GRIP1: variants seen among roughly 807,000 people sequenced by gnomAD.
GRIP1 encodes the protein glutamate receptor interacting protein 1, also known as glutamate receptor-interacting protein 1.
GRIP1 carries 45 observed loss-of-function variants against 129.9 expected under a neutral mutation model. That is an observed-to-expected ratio of 0.35 (90% CI 0.27 to 0.44). The LOEUF is 0.44. Ranked by LOEUF, GRIP1 falls within the 20% of genes least tolerant of loss-of-function variation. GRIP1 has a pLI of 1.00. For missense variants in GRIP1, 1,196 were observed against 1,396.8 expected, an observed-to-expected ratio of 0.86 and a Z score of 2.29; for synonymous variants, 530 against 520.8, an observed-to-expected ratio of 1.02 and a Z score of -0.24.
intron 1 of GRIP1, among the ~76,000 whole-genome samples, chr12:66,919,798 CAAAT>C (rs1018207801): frequency 2.6e-5 from 4 of 152,008 alleles, no homozygotes; most frequent in South Asian, 2.1e-4. Flanking sequence ...AGCAGACACT[CAAAT>C]AAAGAGCTGG....
At chr12:66,868,264 A>G (rs1335935634) in intron 1 of GRIP1, among the ~76,000 whole-genome samples, 1 of 152,130 alleles carries the variant, frequency 6.6e-6, no homozygotes, top group African/African-American at 2.4e-5. Context: ...TGTACTGGCA[A>G]ACAGTGAAGC....
intron 1 of GRIP1, among the ~76,000 whole-genome samples, chr12:66,849,072 T>G (rs964919552): frequency 6.6e-6 from 1 of 152,282 alleles, no homozygotes; most frequent in South Asian, 2.1e-4. Context: ...GTTCTGTCAC[T>G]TTTCTGCATC....
chr12:66,806,510 A>G (rs1249801656), upstream of GRIP1, among the ~76,000 whole-genome samples: 1 of 152,208 alleles, frequency 6.6e-6, no homozygotes, highest in Non-Finnish European at 1.5e-5. Context: ...TTAAATTAGT[A>G]GAGTCCATAT....
intron 1 of GRIP1, among the ~76,000 whole-genome samples, chr12:66,728,695 T>C (rs2036333587): frequency 6.6e-6 from 1 of 152,180 alleles, no homozygotes; most frequent in Non-Finnish European, 1.5e-5. Flanking sequence ...ATTCTTACTA[T>C]GTTGAGAGTG....
intron 22 of GRIP1, 35 bp from the exon 23 acceptor site, chr12:66,371,962 C>G: frequency 7.4e-7 from 1 of 1,348,816 alleles, no homozygotes; most frequent in Non-Finnish European, 1.1e-6. Context: ...ACAATTAAGC[C>G]ATGGACTAAG....
At chr12:66,469,557 C>T (rs1389992412) in intron 7 of GRIP1, among the ~76,000 whole-genome samples, 2 of 152,132 alleles carry the variant, frequency 1.3e-5, no homozygotes, top group Non-Finnish European at 2.9e-5. Context: ...TAATATGAAG[C>T]TTCCACATTA....
At chr12:66,789,917 A>C (rs2038475697) in intron 1 of GRIP1, among the ~76,000 whole-genome samples, 1 of 152,158 alleles carries the variant, frequency 6.6e-6, no homozygotes, top group Admixed American at 6.6e-5. Context: ...AAAAGGAGAA[A>C]AAATTTTATT....
At chr12:66,593,145 A>G (rs1030670604) in intron 2 of GRIP1, among the ~76,000 whole-genome samples, 2 of 152,224 alleles carry the variant, frequency 1.3e-5, no homozygotes, top group African/African-American at 4.8e-5. Context: ...ATTTAATGCC[A>G]TATGAGACAT....
At chr12:66,541,174 T>C (rs1873930) in intron 3 of GRIP1, among the ~76,000 whole-genome samples, 41,462 of 151,988 alleles carry the variant, frequency 0.27, 5,845 homozygotes, top group Middle Eastern at 0.33. Flanking sequence ...ATTTAGAATG[T>C]ATCTCAAGGA....
chr12:66,889,829 G>C (rs2040627190), intron 1 of GRIP1, among the ~76,000 whole-genome samples: 1 of 152,136 alleles, frequency 6.6e-6, no homozygotes. Context: ...GCCACTGATC[G>C]AGTGCCTAAT....
chr12:66,661,210 C>T (rs896726058), intron 1 of GRIP1, among the ~76,000 whole-genome samples: 1 of 151,912 alleles, frequency 6.6e-6, no homozygotes, highest in African/African-American at 2.4e-5. Flanking sequence ...CAACTTCCAT[C>T]GCCAATTTGA....
chr12:66,670,739 C>T (rs1451991880), intron 1 of GRIP1, among the ~76,000 whole-genome samples: 6 of 152,180 alleles, frequency 3.9e-5, no homozygotes, highest in African/African-American at 1.4e-4. Flanking sequence ...TAAGGGAGAG[C>T]TCAGAGCTCC....
intron 19 of GRIP1, among the ~76,000 whole-genome samples, chr12:66,379,640 G>A (rs1349537105): frequency 6.6e-6 from 1 of 152,186 alleles, no homozygotes; most frequent in African/African-American, 2.4e-5. Flanking sequence ...CATCTTTGGA[G>A]GTAGATACTC....
At chr12:66,605,728 A>C (rs958256731) in intron 1 of GRIP1, among the ~76,000 whole-genome samples, 3 of 152,096 alleles carry the variant, frequency 2.0e-5, no homozygotes, top group Non-Finnish European at 2.9e-5. Flanking sequence ...TTTTTCTGTT[A>C]ATCAAGTGTA....
chr12:66,728,967 T>C (rs577171769), intron 1 of GRIP1, among the ~76,000 whole-genome samples: 164 of 152,138 alleles, frequency 1.1e-3, no homozygotes, highest in Non-Finnish European at 1.9e-3. Flanking sequence ...ATCACTAAAA[T>C]GATCCCAAAC....
At chr12:66,582,455 G>T (rs1001274357) in intron 2 of GRIP1, among the ~76,000 whole-genome samples, 7 of 149,548 alleles carry the variant, frequency 4.7e-5, no homozygotes, top group African/African-American at 1.7e-4. Flanking sequence ...AAGAAAAGAG[G>T]AAGTCAAATT....
intron 1 of GRIP1, among the ~76,000 whole-genome samples, chr12:66,974,532 GA>G (rs2042124363): frequency 6.6e-6 from 1 of 152,120 alleles, no homozygotes; most frequent in Non-Finnish European, 1.5e-5. Flanking sequence ...GTGAAAAGAT[GA>G]AGTAAAAATG....
intron 1 of GRIP1, among the ~76,000 whole-genome samples, chr12:66,979,235 A>AAAAAC (rs2042204022): frequency 1.5e-5 from 2 of 136,282 alleles, no homozygotes; most frequent in African/African-American, 5.6e-5. Context: ...AAAAAAAAAA[A>AAAAAC]AAAAAAAAAA....
intron 1 of GRIP1, among the ~76,000 whole-genome samples, chr12:67,040,060 A>G (rs1412900855): frequency 1.3e-5 from 2 of 152,102 alleles, no homozygotes; most frequent in African/African-American, 4.8e-5. Flanking sequence ...CCCACTTTTT[A>G]ACTGACAGCC....
Sources: allele counts gnomAD v4.1 joint callset (sites outside exome capture counted in the v4.1 genomes callset), GRCh38; gene constraint gnomAD v4.1.1; transcripts MANE v1.5; gene names NCBI Gene and HGNC (gene_info 2026-07-23, HGNC 2026-07-21).